The following DLG2 variants were observed in gnomAD, a reference collection of about 807,000 sequenced individuals.
DLG2 encodes the protein disks large homolog 2.
A neutral mutation model predicts 132.5 loss-of-function variants in DLG2; 45 were observed. The observed-to-expected ratio is 0.34, with a 90% confidence interval of 0.27 to 0.44. The LOEUF (loss-of-function observed/expected upper bound fraction) is 0.44. Among genes scored for constraint, DLG2 ranks in the 20% least tolerant of loss-of-function variants. DLG2 has a pLI of 1.00. For synonymous variants in DLG2, 424 were observed against 419.6 expected (o/e 1.01, Z -0.13); for missense variants, 1,045 against 1,196.9 (o/e 0.87, Z 1.87).
At chr11:83,801,766 A>G (rs1393664517) in intron 17 of DLG2, among the ~76,000 whole-genome samples, 1 of 151,698 alleles carries the variant, frequency 6.6e-6, no homozygotes, top group Admixed American at 6.6e-5. Context: ...TATCTCACCC[A>G]CCCCGAGAAA....
In DLG2 at chr11:83,480,480, T is replaced by C. The variant is rs2137201056; in HGVS notation, c.2293+3649A>G. 6 of 1,499,604 alleles carry C rather than the reference T, an allele frequency of 4.0e-6. No individual in the cohort carries two copies. In the South Asian group the frequency reaches 6.0e-5, roughly 15 times the overall value. The allele number at this position is 1,499,604 out of a possible 1,614,324, so 92.9% of individuals were successfully genotyped here. ...GAAGAGCAGCCAGAACGGAAAGGAA[T>C]ACACTCATGCAAGGCTACCAGAAAT... On this transcript the variant is annotated intron_variant, in intron 22 of 27. Coordinates refer to ENST00000376104, the MANE Select transcript of DLG2 (RefSeq NM_001142699.3).
At chr11:85,013,889 T>C (rs592622) in intron 6 of DLG2, among the ~76,000 whole-genome samples, 102,419 of 151,988 alleles carry the variant, frequency 0.67, 35,355 homozygotes, top group East Asian at 0.93. Flanking sequence ...TATTATGCTA[T>C]CAAAAGCTTA....
At chr11:83,510,499 A>G (rs1295447680) in intron 21 of DLG2, among the ~76,000 whole-genome samples, 1 of 152,178 alleles carries the variant, frequency 6.6e-6, no homozygotes. Context: ...GGGAACTTGC[A>G]AATAGAGGCA....
At chr11:84,116,182 G>C (rs2093625541) in intron 9 of DLG2, among the ~76,000 whole-genome samples, 1 of 152,126 alleles carries the variant, frequency 6.6e-6, no homozygotes, top group African/African-American at 2.4e-5. Context: ...GTGTGACCTT[G>C]GGCTAGCTTC....
At chr11:83,502,222 G>A (rs985618776) in intron 21 of DLG2, among the ~76,000 whole-genome samples, 3 of 152,132 alleles carry the variant, frequency 2.0e-5, no homozygotes, top group East Asian at 1.9e-4. Context: ...CTAGAGAAAG[G>A]TTGAGTCACT....
chr11:85,069,138 T>C (rs533605857), intron 6 of DLG2, among the ~76,000 whole-genome samples: 3 of 151,920 alleles, frequency 2.0e-5, no homozygotes, highest in African/African-American at 7.2e-5. Flanking sequence ...TTACACTTTA[T>C]ACAAAAATTA....
intron 6 of DLG2, among the ~76,000 whole-genome samples, chr11:84,922,558 A>C (rs2154084549): frequency 6.6e-6 from 1 of 152,246 alleles, no homozygotes; most frequent in African/African-American, 2.4e-5. Context: ...CGATTTGTAT[A>C]ATCAGTATCA....
intron 6 of DLG2, among the ~76,000 whole-genome samples, chr11:84,851,237 G>A (rs1032370432): frequency 2.0e-5 from 3 of 152,082 alleles, no homozygotes; most frequent in African/African-American, 2.4e-5. Flanking sequence ...ATAGAATCAT[G>A]TTGTGTGTAC....
intron 6 of DLG2, among the ~76,000 whole-genome samples, chr11:85,103,961 G>T (rs746651719): frequency 6.6e-6 from 1 of 151,676 alleles, no homozygotes; most frequent in Non-Finnish European, 1.5e-5. Flanking sequence ...ATGAAAACAC[G>T]GTCACATCAC....
chr11:84,149,431 A>G (rs1409522470), intron 9 of DLG2, among the ~76,000 whole-genome samples: 2 of 152,232 alleles, frequency 1.3e-5, no homozygotes, highest in Middle Eastern at 3.4e-3. Flanking sequence ...ATTCTTCTAC[A>G]TATGAATAGC....
intron 18 of DLG2, among the ~76,000 whole-genome samples, chr11:83,763,842 T>C (rs2094021905): frequency 1.3e-5 from 2 of 152,354 alleles, no homozygotes. Context: ...CCTACAATAT[T>C]GTCTGTCCTT....
intron 17 of DLG2, among the ~76,000 whole-genome samples, chr11:83,830,591 G>A (rs1056923160): frequency 6.6e-6 from 1 of 152,210 alleles, no homozygotes; most frequent in East Asian, 1.9e-4. Flanking sequence ...GTTCTTTATT[G>A]CTTTATGTGT....
At chr11:83,962,518 C>G (rs2089117041) in intron 14 of DLG2, among the ~76,000 whole-genome samples, 1 of 151,970 alleles carries the variant, frequency 6.6e-6, no homozygotes, top group Non-Finnish European at 1.5e-5. Context: ...TTCCACTAAC[C>G]AAATATATAA....
chr11:84,779,225 T>A (rs797007712), intron 6 of DLG2, among the ~76,000 whole-genome samples: 10 of 152,176 alleles, frequency 6.6e-5, no homozygotes, highest in African/African-American at 2.4e-4. Flanking sequence ...TATATATGTA[T>A]ATATACACAC....
At chr11:83,736,024 T>A (rs1050519022) in intron 18 of DLG2, among the ~76,000 whole-genome samples, 2 of 152,208 alleles carry the variant, frequency 1.3e-5, no homozygotes, top group African/African-American at 4.8e-5. Context: ...TGCGATTAGA[T>A]TGGACAGTAT....
chr11:85,481,361 C>T (rs1444326640), intron 3 of DLG2, among the ~76,000 whole-genome samples: 2 of 152,124 alleles, frequency 1.3e-5, no homozygotes, highest in Non-Finnish European at 2.9e-5. Flanking sequence ...TGTCCATGCA[C>T]AAAAATACTT....
intron 6 of DLG2, among the ~76,000 whole-genome samples, chr11:84,591,298 C>A (rs1286561601): frequency 1.4e-5 from 2 of 146,488 alleles, no homozygotes; most frequent in African/African-American, 5.0e-5. Context: ...AGGGAAAATA[C>A]AAAAGACCAT....
intron 3 of DLG2, among the ~76,000 whole-genome samples, chr11:85,434,405 T>A (rs537925179): frequency 7.0e-4 from 99 of 141,614 alleles, no homozygotes; most frequent in East Asian, 4.4e-3. Flanking sequence ...TGAAAAAATT[T>A]TAAAAAAAAA....
chr11:84,881,087 G>C (rs528113585), intron 6 of DLG2, among the ~76,000 whole-genome samples: 6 of 152,046 alleles, frequency 3.9e-5, no homozygotes, highest in Admixed American at 2.6e-4. Context: ...TATAGAATTT[G>C]TCATCATATT....
Sources: allele counts gnomAD v4.1 joint callset (sites outside exome capture counted in the v4.1 genomes callset), GRCh38; gene constraint gnomAD v4.1.1; transcripts MANE v1.5; gene names NCBI Gene and HGNC (gene_info 2026-07-23, HGNC 2026-07-21).